The following SUPV3L1 variants were observed in gnomAD, a reference collection of about 807,000 sequenced individuals.
SUPV3L1 encodes the protein Suv3 like RNA helicase.
SUPV3L1 carries 35 observed loss-of-function variants against 70.0 expected under a neutral mutation model. That is an observed-to-expected ratio of 0.50 (90% CI 0.38 to 0.66). The LOEUF (loss-of-function observed/expected upper bound fraction) is 0.66. Ranked by LOEUF, SUPV3L1 falls within the 30% of genes least tolerant of loss-of-function variation. The probability of loss-of-function intolerance (pLI) is 0.00; values close to 1 mark genes in which losing one functional copy is unlikely to be tolerated. For synonymous variants in SUPV3L1, 364 were observed against 341.9 expected, an observed-to-expected ratio of 1.06 and a Z score of -0.71; for missense variants, 777 against 961.5, an observed-to-expected ratio of 0.81 and a Z score of 2.54.
At chr10:69,190,612 A>G (rs1842366499) in intron 5 of SUPV3L1, among the ~76,000 whole-genome samples, 1 of 152,208 alleles carries the variant, frequency 6.6e-6, no homozygotes, top group Non-Finnish European at 1.5e-5. Flanking sequence ...AAATTTTATC[A>G]ATTGTCCAAT....
chr10:69,183,135 C>T (rs1842113887), intron 1 of SUPV3L1, among the ~76,000 whole-genome samples: 1 of 152,184 alleles, frequency 6.6e-6, no homozygotes, highest in Non-Finnish European at 1.5e-5. Flanking sequence ...AGGTCAAAAC[C>T]TGGTAGTCTT....
chr10:69,180,593 G>C, intron 1 of SUPV3L1, 31 bp downstream of exon 1: 1 of 1,608,938 alleles, frequency 6.2e-7, no homozygotes, highest in Non-Finnish European at 8.5e-7. Context: ...GGGCGGCAGA[G>C]GGTGGTGTCT....
At chr10:69,193,976 T>C (rs776927185) in intron 6 of SUPV3L1, among the ~76,000 whole-genome samples, 3 of 152,234 alleles carry the variant, frequency 2.0e-5, no homozygotes, top group Admixed American at 6.5e-5. Context: ...CAAGGAATTA[T>C]TCCTTCCACT....
In SUPV3L1 at chr10:69,200,427, G is replaced by A; in HGVS notation, c.1446G>A (p.Glu482=). The A allele has an allele frequency of 1.2e-6, 2 of 1,614,080 alleles. No homozygotes were observed. Among genetic ancestry groups the A allele is most frequent in the Non-Finnish European group, 1.7e-6 (2 of 1,180,028 alleles). Residue 482 remains glutamate (E), a synonymous_variant, in exon 11 of 15, where the codon GAG becomes GAA. Coordinates refer to ENST00000359655, the MANE Select transcript of SUPV3L1 (RefSeq NM_003171.5). ...TCAGCTCACGGTTTAAAGAAGGAGA[G>A]GTTACAACAATGAATCATGAAGATC... ...GRFSSRFKEG[E]VTTMNHEDLS...
chr10:69,184,459 C>T (rs747298779), intron 1 of SUPV3L1, among the ~76,000 whole-genome samples: 81 of 152,090 alleles, frequency 5.3e-4, no homozygotes, highest in Non-Finnish European at 1.0e-3. Context: ...CTCTTGAGCC[C>T]GAAAGGCGGA....
intron 1 of SUPV3L1, among the ~76,000 whole-genome samples, chr10:69,184,372 T>C (rs1232372245): frequency 1.3e-5 from 2 of 151,806 alleles, no homozygotes; most frequent in East Asian, 3.9e-4. Flanking sequence ...CTACTAAAAA[T>C]ACAAAATTAG....
rs773002459 is a variant in SUPV3L1, at chr10:69,180,329, C to A, written c.38C>A (p.Pro13Gln). 15 of 1,613,884 alleles carry A rather than the reference C, an allele frequency of 9.3e-6. No homozygotes were observed. In the East Asian group the frequency reaches 3.3e-4, roughly 36 times the overall value. Residue 13 changes from proline (P) to glutamine (Q), a missense_variant, in exon 1 of 15, where the codon CCG becomes CAG. This residue lies in a region of SUPV3L1 where 158 missense variants were observed against 138.3 expected (regional missense o/e 1.14). Coordinates refer to ENST00000359655, the MANE Select transcript of SUPV3L1 (RefSeq NM_003171.5). ...FSRALLWARL[P>Q]AGRQAGHRAA... is the part of the protein sequence containing the mutation. Reference sequence around the variant, plus strand: ...CGTGCCCTATTGTGGGCTCGGCTCCCGGCGGGGCGCCAGGCTGGCCACCGG... The same window carrying A: ...CGTGCCCTATTGTGGGCTCGGCTCCAGGCGGGGCGCCAGGCTGGCCACCGG...
chr10:69,180,551 C>G lies in SUPV3L1; in HGVS notation c.260C>G (p.Pro87Arg), dbSNP rs759758443. The change falls in exon 1 of 15, where the codon CCT (proline) becomes CGT (arginine). Residue 87 changes from proline (P) to arginine (R), a missense_variant. Pro to Arg is a moderately radical substitution (Grantham distance 103, BLOSUM62 -2). Around this residue, in one of 2 missense-constraint regions of SUPV3L1, gnomAD observed 158 missense variants for 138.3 expected, o/e 1.14. Transcript: ENST00000359655. Reference sequence around the variant, plus strand: ...GACGTCGGGGCCGAGCTAACCCGGCCTCTGGACAAGAGTGAGTGCGGGAAC... The same window carrying G: ...GACGTCGGGGCCGAGCTAACCCGGCGTCTGGACAAGAGTGAGTGCGGGAAC... ...DGDVGAELTR[P>R]LDKNEVKKVL... 1.9e-6 allele frequency: 3 copies of G among 1,614,026 alleles called. No individual in the cohort carries two copies. The highest frequency in any genetic ancestry group is 2.5e-6 in the Non-Finnish European group (3 of 1,180,022).
chr10:69,207,536 G>A (rs568448004), intron 13 of SUPV3L1, among the ~76,000 whole-genome samples: 3 of 151,984 alleles, frequency 2.0e-5, no homozygotes, highest in South Asian at 2.1e-4. Context: ...AGCTGGTCTC[G>A]AACTCCTGGG....
chr10:69,187,178 A>T (rs191855963), intron 3 of SUPV3L1, among the ~76,000 whole-genome samples: 1 of 152,098 alleles, frequency 6.6e-6, no homozygotes, highest in African/African-American at 2.4e-5. Flanking sequence ...ACTTTTGCCA[A>T]TGCTAATCTT....
At chr10:69,184,978 C>T (rs149889713) in intron 1 of SUPV3L1, among the ~76,000 whole-genome samples, 205 of 152,288 alleles carry the variant, frequency 1.3e-3, no homozygotes, top group African/African-American at 4.7e-3. Flanking sequence ...AACCATAATA[C>T]AATCTCAGCT....
intron 7 of SUPV3L1, 196 bp downstream of exon 7, chr10:69,195,461 A>G (rs1321221533): frequency 2.5e-6 from 1 of 403,516 alleles, no homozygotes; most frequent in Non-Finnish European, 4.4e-6. Flanking sequence ...CTGTGCTAAA[A>G]CTAGCATAAC....
At chr10:69,186,358 T>G in intron 2 of SUPV3L1, 85 bp from the exon 3 acceptor site, 1 of 781,444 alleles carries the variant, frequency 1.3e-6, no homozygotes, top group Non-Finnish European at 2.1e-6. Flanking sequence ...AAAAAAAGAC[T>G]CTTTGATGAG....
In SUPV3L1 at chr10:69,187,680, G is replaced by A; in HGVS notation, c.496G>A (p.Ala166Thr). 1 of 1,613,096 alleles carries A rather than the reference G, an allele frequency of 6.2e-7. No homozygotes were observed. The highest frequency in any genetic ancestry group is 8.5e-7 in the Non-Finnish European group (1 of 1,179,722). ...TTTATTCCCATTTTTCTTGAGACAT[G>A]CCAAACAAATATTTCCTGTGTTGGA... ...DDLFPFFLRH[A>T]KQIFPVLDCK... Residue 166 changes from alanine (A) to threonine (T), a missense_variant, in exon 4 of 15, where the codon GCC (alanine) becomes ACC (threonine). Coordinates refer to ENST00000359655, the MANE Select transcript of SUPV3L1 (RefSeq NM_003171.5).
chr10:69,186,767 G>A (rs765317948), intron 3 of SUPV3L1, among the ~76,000 whole-genome samples: 5 of 152,118 alleles, frequency 3.3e-5, no homozygotes, highest in Non-Finnish European at 5.9e-5. Flanking sequence ...GTCTTAGACT[G>A]GAGGAAGACT....
chr10:69,181,338 G>A (rs1842053420), intron 1 of SUPV3L1, among the ~76,000 whole-genome samples: 1 of 152,194 alleles, frequency 6.6e-6, no homozygotes, highest in Non-Finnish European at 1.5e-5. Flanking sequence ...ATCCAGAATT[G>A]TCTCCAGGAA....
intron 1 of SUPV3L1, among the ~76,000 whole-genome samples, chr10:69,182,137 G>A (rs1003734995): frequency 1.3e-5 from 2 of 151,852 alleles, no homozygotes; most frequent in Admixed American, 1.3e-4. Context: ...TAGGAATACA[G>A]GCGTGCATCA....
Position 69,208,930 on chromosome 10 carries a change from A to C in SUPV3L1, c.2256A>C (p.Glu752Asp). The C allele has an allele frequency of 6.2e-7, 1 of 1,614,192 alleles. No individual in the cohort carries two copies. Among genetic ancestry groups the C allele is most frequent in the Non-Finnish European group, 8.5e-7 (1 of 1,180,032 alleles). ...LLTPDMLKQL[E>D]KEWMTQQTEH... is the part of the protein sequence containing the mutation. ...CTCCAGACATGCTGAAACAGCTAGA[A>C]AAAGAGTGGATGACACAACAAACTG... Residue 752 changes from glutamate to aspartate, a missense_variant, in exon 15 of 15, where the codon GAA (glutamate) becomes GAC (aspartate). By Grantham distance (45) the Glu-to-Asp change is conservative. Coordinates refer to ENST00000359655, the MANE Select transcript of SUPV3L1 (RefSeq NM_003171.5).
Position 69,185,842 on chromosome 10 carries a change from A to G in SUPV3L1, c.272-145A>G, listed in dbSNP as rs187231680. 2.5e-4 allele frequency: 182 copies of G among 722,616 alleles called. No homozygotes were observed. The African/African-American group carries it at 3.0e-3, about 12-fold the overall frequency. The allele number at this position is 722,616 out of a possible 1,614,324, so 44.8% of individuals were successfully genotyped here. A position where few individuals can be genotyped will look rare whatever the true frequency, so the allele number is the denominator to read the frequency against. On this transcript the variant is annotated intron_variant, in intron 1 of 14. Transcript: ENST00000359655. ...TAACACTCCCATCGCATATGAATTC[A>G]TAAAGAAGGATCGACTAAAACCTTC... is the stretch of plus-strand genomic sequence containing the variant.
Sources: gnomAD v4.1 joint callset for allele counts (sites outside exome capture counted in the v4.1 genomes callset) on GRCh38, gnomAD v4.1.1 for gene constraint, gnomAD v4.1.1 regional missense constraint, MANE v1.5 for transcripts, NCBI Gene and HGNC (gene_info 2026-07-23, HGNC 2026-07-21) for gene names.